CRTC1: variants seen among roughly 807,000 people sequenced by gnomAD.
CRTC1 encodes the protein CREB regulated transcription coactivator 1.
A neutral mutation model predicts 66.1 loss-of-function variants in CRTC1; 18 were observed. The observed-to-expected ratio is 0.27, with a 90% CI of 0.19 to 0.40. CRTC1 has a LOEUF of 0.40. Among genes scored for constraint, CRTC1 ranks in the 10% least tolerant of loss-of-function variants. The pLI, the probability that CRTC1 is intolerant of heterozygous loss-of-function variation, is 1.00. For missense variants in CRTC1, 669 were observed against 887.9 expected (o/e 0.75, Z 3.13); for synonymous variants, 416 against 398.8 (o/e 1.04, Z -0.51).
At chr19:18,751,864 A>T (rs1007430556) in intron 5 of CRTC1, among the ~76,000 whole-genome samples, 1 of 152,134 alleles carries the variant, frequency 6.6e-6, no homozygotes, top group African/African-American at 2.4e-5. Flanking sequence ...TGCGGAACAG[A>T]ACATGCAAGC....
chr19:18,737,251 G>A (rs2054017280), intron 1 of CRTC1, among the ~76,000 whole-genome samples: 1 of 151,500 alleles, frequency 6.6e-6, no homozygotes, highest in African/African-American at 2.4e-5. Flanking sequence ...TCTATAGAGG[G>A]GTCAGGTGGG....
chr19:18,759,683 G>A, intron 7 of CRTC1, 92 bp downstream of exon 7: 3 of 1,414,620 alleles, frequency 2.1e-6, no homozygotes, highest in Non-Finnish European at 2.0e-6. Flanking sequence ...GAGGTTGCAA[G>A]TCCCTGCAAG....
rs2054578560 is a variant in CRTC1 at position 18,760,016 on chromosome 19, C to T, written c.674C>T (p.Pro225Leu). 6 of 1,527,750 alleles carry T rather than the reference C, an allele frequency of 3.9e-6. No individual in the cohort carries two copies. Among genetic ancestry groups the T allele is most frequent in the Non-Finnish European group, 5.3e-6 (6 of 1,123,346 alleles). 94.6% of individuals were successfully genotyped at this position (1,527,750 alleles called of 1,614,324 possible). Reference sequence around the variant, plus strand: ...CTCTGGCCTTTTCCCAGCATCTTCCCGTCTGCCGACCAGGAAAACACTACA... The same window carrying T: ...CTCTGGCCTTTTCCCAGCATCTTCCTGTCTGCCGACCAGGAAAACACTACA... ...SCEVPGINIF[P>L]SADQENTTAL... The change falls in exon 8 of 14, where the codon CCG (proline) becomes CTG (leucine). Residue 225 changes from proline to leucine, a missense_variant. This residue lies in a region of CRTC1 where 214 missense variants were observed against 323.4 expected (regional missense o/e 0.66). Transcript: ENST00000321949. The surrounding 1 kb of genome is among the most constrained non-coding windows in gnomAD (Gnocchi z 6.2).
intron 1 of CRTC1, among the ~76,000 whole-genome samples, chr19:18,717,043 G>T (rs2053524791): frequency 6.6e-6 from 1 of 152,228 alleles, no homozygotes; most frequent in Non-Finnish European, 1.5e-5. Context: ...GCATGCACGT[G>T]CATGAATGTG....
At chr19:18,765,329 C>T in intron 8 of CRTC1, 75 bp from the exon 9 acceptor site, 1 of 1,543,984 alleles carries the variant, frequency 6.5e-7, no homozygotes, top group African/African-American at 1.3e-5. Flanking sequence ...TGCAGTGTGA[C>T]TGTGGGTGTG....
intron 1 of CRTC1, among the ~76,000 whole-genome samples, chr19:18,697,566 T>C (rs2053023094): frequency 6.6e-6 from 1 of 152,208 alleles, no homozygotes; most frequent in Non-Finnish European, 1.5e-5. Flanking sequence ...CTCCTTGGCC[T>C]CCCAAAATGC....
intron 1 of CRTC1, among the ~76,000 whole-genome samples, chr19:18,710,595 A>G (rs2053368137): frequency 3.3e-5 from 5 of 151,908 alleles, no homozygotes; most frequent in Admixed American, 3.3e-4. Flanking sequence ...TTTATTTTTT[A>G]CATTTATTTT....
chr19:18,748,835 C>T (rs887392087), intron 4 of CRTC1, among the ~76,000 whole-genome samples: 1 of 152,100 alleles, frequency 6.6e-6, no homozygotes, highest in Non-Finnish European at 1.5e-5. Flanking sequence ...ATTAAATTCT[C>T]ACCAAGCCCG....
chr19:18,755,964 C>T lies in CRTC1; in HGVS notation c.624+2379C>T, dbSNP rs1283403054. On this transcript the variant is annotated intron_variant, in intron 6 of 13. Coordinates refer to ENST00000321949, the MANE Select transcript of CRTC1 (RefSeq NM_015321.3). The stretch of plus-strand genomic sequence containing the variant: ...TGTTGCCCAGGTTAGTCTCAAACTC[C>T]TGGGCTCGGTCTCTGTGTTTCAGTT... Among the ~76,000 whole-genome samples, 6 of 152,208 alleles carry T rather than the reference C, an allele frequency of 3.9e-5. No homozygotes were observed. The East Asian group carries it at 1.2e-3, about 29-fold the overall frequency.
intron 2 of CRTC1, among the ~76,000 whole-genome samples, chr19:18,745,435 C>T (rs1347664907): frequency 6.6e-6 from 1 of 152,194 alleles, no homozygotes; most frequent in Non-Finnish European, 1.5e-5. Flanking sequence ...GGAGGCCGTC[C>T]AGGCCCGGAG....
intron 1 of CRTC1, among the ~76,000 whole-genome samples, chr19:18,725,481 C>T (rs1046995570): frequency 2.0e-5 from 3 of 151,644 alleles, no homozygotes; most frequent in South Asian, 2.1e-4. Flanking sequence ...CCTCCTGGAG[C>T]GGAGGTTGGG....
intron 1 of CRTC1, among the ~76,000 whole-genome samples, chr19:18,703,312 C>T (rs552121570): frequency 5.3e-5 from 8 of 151,966 alleles, no homozygotes; most frequent in Admixed American, 2.0e-4. Context: ...GGATTACAGG[C>T]GTGAGCCACC....
Position 18,760,132 on chromosome 19 carries a change from C to T in CRTC1, c.790C>T (p.Pro264Ser). Reference sequence around the variant, plus strand: ...CTCCCCGCTCCCGACCCCGCTGGACCCCGAGGAGCCCACCTTCCCTGCACT... The same window carrying T: ...CTCCCCGCTCCCGACCCCGCTGGACTCCGAGGAGCCCACCTTCCCTGCACT... ...FPSPLPTPLD[P>S]EEPTFPALSS... Residue 264 changes from proline (P) to serine (S), a missense_variant, in exon 8 of 14, where the codon CCC (proline) becomes TCC (serine). By Grantham distance (74) the Pro-to-Ser change is moderately conservative (BLOSUM62 -1). Transcript: ENST00000321949. This position sits in a 1 kb window ranked among gnomAD's most constrained non-coding sequence, Gnocchi z 6.2. 2 of 1,613,920 alleles carry T rather than the reference C, an allele frequency of 1.2e-6. No homozygotes were observed. Among genetic ancestry groups the T allele is most frequent in the Non-Finnish European group, 1.7e-6 (2 of 1,179,904 alleles).
intron 1 of CRTC1, among the ~76,000 whole-genome samples, chr19:18,721,195 G>GTTTT (rs35208922): frequency 4.4e-5 from 6 of 136,956 alleles, no homozygotes; most frequent in Non-Finnish European, 3.1e-5. Flanking sequence ...TTCAACCTCT[G>GTTTT]TTTTTTTTTT....
chr19:18,730,803 G>A (rs2053869714), intron 1 of CRTC1, among the ~76,000 whole-genome samples: 1 of 152,136 alleles, frequency 6.6e-6, no homozygotes, highest in Non-Finnish European at 1.5e-5. Context: ...TACTCCTGGG[G>A]ACCAGCCCAG....
chr19:18,696,824 G>A (rs943759742), intron 1 of CRTC1, among the ~76,000 whole-genome samples: 1 of 147,248 alleles, frequency 6.8e-6, no homozygotes, highest in Non-Finnish European at 1.5e-5. Context: ...TGCCACTCAC[G>A]GAGGAAGACT....
chr19:18,744,014 G>A lies in CRTC1; in HGVS notation c.243+988G>A, dbSNP rs1021666317. ...GGACCCTGTTGGGTGTCTGTCGCCC[G>A]AGGCCCACAGCCCGGGGGGAGGTCC... is the stretch of plus-strand genomic sequence containing the variant. On this transcript the variant is annotated intron_variant, in intron 2 of 13. Coordinates refer to ENST00000321949, the MANE Select transcript of CRTC1 (RefSeq NM_015321.3). 28 of 1,375,284 alleles carry A rather than the reference G, an allele frequency of 2.0e-5. No homozygotes were observed. The South Asian group carries it at 2.7e-4, about 13-fold the overall frequency. 85.2% of individuals were successfully genotyped at this position (1,375,284 alleles called of 1,614,324 possible).
intron 7 of CRTC1, 115 bp from the exon 8 acceptor site, chr19:18,759,893 C>A: frequency 1.2e-6 from 1 of 849,798 alleles, no homozygotes; most frequent in Non-Finnish European, 1.9e-6. Context: ...AAGCACACGG[C>A]ACCTGATGGG....
rs1033584366 is a variant in CRTC1 at position 18,741,627 on chromosome 19, T to C, written c.127-1283T>C. 2.0e-5 allele frequency among the ~76,000 whole-genome samples: 3 copies of C among 152,108 alleles called. No individual in the cohort carries two copies. In the East Asian group the frequency reaches 5.8e-4, roughly 29 times the overall value. On this transcript the variant is annotated intron_variant, in intron 1 of 13. Transcript: ENST00000321949. This position sits in a 1 kb window ranked among gnomAD's most constrained non-coding sequence, Gnocchi z 4.2. Reference sequence around the variant, plus strand: ...CCCGGAGCTGGCCTGTTTCATCTGGTGTGACTGCTGGGAGGGACACTGTGG... The same window carrying C: ...CCCGGAGCTGGCCTGTTTCATCTGGCGTGACTGCTGGGAGGGACACTGTGG...
Sources: gnomAD v4.1 joint callset for allele counts (sites outside exome capture counted in the v4.1 genomes callset) on GRCh38, gnomAD v4.1.1 for gene constraint, gnomAD v4.1.1 regional missense constraint, Gnocchi (gnomAD v3.1) non-coding constraint, MANE v1.5 for transcripts, NCBI Gene and HGNC (gene_info 2026-07-23, HGNC 2026-07-21) for gene names.